The following SNTG1 variants were observed in gnomAD, a reference collection of about 807,000 sequenced individuals.
SNTG1 encodes the protein gamma-1-syntrophin.
A neutral mutation model predicts 74.7 loss-of-function variants in SNTG1; 39 were observed. That is an observed-to-expected ratio of 0.52 (90% CI 0.40 to 0.68). The LOEUF is 0.68. Among genes scored for constraint, SNTG1 ranks in the 30% least tolerant of loss-of-function variants. The pLI is 0.00. For synonymous variants in SNTG1, 254 were observed against 217.1 expected (o/e 1.17, Z -1.49); for missense variants, 685 against 609.5 (o/e 1.12, Z -1.30).
intron 18 of SNTG1, among the ~76,000 whole-genome samples, chr8:50,789,779 C>G (rs2095685981): frequency 1.3e-5 from 2 of 151,958 alleles, no homozygotes; most frequent in Admixed American, 6.6e-5. Flanking sequence ...CATTTTCTGA[C>G]TTTTGTCAAT....
chr8:50,653,165 G>A (rs1022855762), intron 13 of SNTG1, among the ~76,000 whole-genome samples: 4 of 151,536 alleles, frequency 2.6e-5, no homozygotes, highest in Non-Finnish European at 4.4e-5. Flanking sequence ...CATAAGAAGC[G>A]AGGCATGATG....
intron 18 of SNTG1, among the ~76,000 whole-genome samples, chr8:50,781,897 C>T (rs2095660694): frequency 6.6e-6 from 1 of 152,054 alleles, no homozygotes; most frequent in Admixed American, 6.5e-5. Context: ...TAGGGTAGGC[C>T]TGGTGGTGAC....
intron 9 of SNTG1, among the ~76,000 whole-genome samples, chr8:50,508,268 G>T (rs1302374809): frequency 6.6e-6 from 1 of 152,148 alleles, no homozygotes; most frequent in African/African-American, 2.4e-5. Context: ...TTTTATGGCT[G>T]CATAGTATTC....
At chr8:50,278,159 G>A (rs534396969) in intron 2 of SNTG1, among the ~76,000 whole-genome samples, 2 of 152,048 alleles carry the variant, frequency 1.3e-5, no homozygotes, top group East Asian at 1.9e-4. Flanking sequence ...GCCACAGAGT[G>A]AGACTCCATC....
At chr8:50,103,080 T>A (rs1021927381) in intron 1 of SNTG1, among the ~76,000 whole-genome samples, 4 of 152,112 alleles carry the variant, frequency 2.6e-5, no homozygotes, top group African/African-American at 9.7e-5. Flanking sequence ...AAAGTAGTTT[T>A]TTCCAATTCT....
At chr8:50,644,604 G>T (rs1211207184) in intron 13 of SNTG1, 1 of 152,172 alleles carries the variant, frequency 6.6e-6, no homozygotes. Flanking sequence ...TCGACAGTAG[G>T]CTATTAATAG....
intron 2 of SNTG1, among the ~76,000 whole-genome samples, chr8:50,359,733 G>A (rs1405114624): frequency 2.6e-5 from 4 of 152,264 alleles, no homozygotes; most frequent in African/African-American, 9.6e-5. Flanking sequence ...TCATCTTTCA[G>A]CACAATGTGG....
chr8:50,670,950 C>T (rs1016077961), intron 15 of SNTG1, among the ~76,000 whole-genome samples: 1 of 151,346 alleles, frequency 6.6e-6, no homozygotes, highest in East Asian at 1.9e-4. Context: ...GGAAAGGATT[C>T]CCTATTTAAT....
At chr8:50,463,886 G>GCTC (rs1225581795) in intron 8 of SNTG1, among the ~76,000 whole-genome samples, 1 of 152,170 alleles carries the variant, frequency 6.6e-6, no homozygotes. Context: ...GTGAAAAATT[G>GCTC]CTCTTTGGTG....
At chr8:50,186,351 T>C (rs920592825) in intron 2 of SNTG1, among the ~76,000 whole-genome samples, 2 of 152,190 alleles carry the variant, frequency 1.3e-5, no homozygotes, top group African/African-American at 2.4e-5. Context: ...TTTATATTCC[T>C]TTGGGTATAT....
chr8:50,784,707 A>C (rs985373129), intron 18 of SNTG1, among the ~76,000 whole-genome samples: 6 of 152,164 alleles, frequency 3.9e-5, no homozygotes, highest in African/African-American at 1.4e-4. Context: ...TAGACTCTCC[A>C]CCCAATTACA....
chr8:50,284,660 G>A (rs573655258), intron 2 of SNTG1, among the ~76,000 whole-genome samples: 22 of 152,190 alleles, frequency 1.4e-4, no homozygotes, highest in African/African-American at 5.1e-4. Context: ...CTTTTTACAG[G>A]AAAATGGGTA....
chr8:49,971,639 C>T (rs954686378), intron 1 of SNTG1, among the ~76,000 whole-genome samples: 1 of 152,182 alleles, frequency 6.6e-6, no homozygotes, highest in Non-Finnish European at 1.5e-5. Flanking sequence ...CCAAAATCTC[C>T]TTAAGCTGAC....
chr8:49,984,831 A>G (rs1340646491), intron 1 of SNTG1, among the ~76,000 whole-genome samples: 1 of 152,288 alleles, frequency 6.6e-6, no homozygotes, highest in African/African-American at 2.4e-5. Flanking sequence ...CAATAATAGC[A>G]TTAAAAATGT....
chr8:50,680,338 A>G (rs1230062225), intron 15 of SNTG1, among the ~76,000 whole-genome samples: 1 of 152,162 alleles, frequency 6.6e-6, no homozygotes, highest in East Asian at 1.9e-4. Context: ...TGAATTTGCA[A>G]ATCCTGTCAG....
intron 1 of SNTG1, among the ~76,000 whole-genome samples, chr8:49,953,334 G>A (rs1021217670): frequency 6.6e-6 from 1 of 152,178 alleles, no homozygotes; most frequent in African/African-American, 2.4e-5. Flanking sequence ...CAGTCTGAGA[G>A]GACCCTTGGG....
At chr8:50,601,152 CAAAAAAAAAAAAAAAAAAAAA>C (rs71235311) in intron 13 of SNTG1, among the ~76,000 whole-genome samples, 4 of 31,440 alleles carry the variant, frequency 1.3e-4, no homozygotes, top group Admixed American at 6.4e-4. Context: ...GCCAGCGAGA[CAAAAAAAAAAAAAAAAAAAAA>C]AAAAAAAAAA....
At chr8:50,266,521 T>G (rs957226329) in intron 2 of SNTG1, among the ~76,000 whole-genome samples, 7 of 151,770 alleles carry the variant, frequency 4.6e-5, no homozygotes, top group Admixed American at 1.3e-4. Flanking sequence ...GAAATTTGAT[T>G]ATGCAATGAC....
chr8:49,963,781 C>T (rs12541363), intron 1 of SNTG1, among the ~76,000 whole-genome samples: 97,645 of 152,134 alleles, frequency 0.64, 35,413 homozygotes, highest in East Asian at 0.86. Context: ...AGTTTTAAAA[C>T]TTCATGAAAA....
Sources: allele counts gnomAD v4.1 joint callset (sites outside exome capture counted in the v4.1 genomes callset), GRCh38; gene constraint gnomAD v4.1.1; transcripts MANE v1.5; gene names NCBI Gene and HGNC (gene_info 2026-07-23, HGNC 2026-07-21).